COL16A1: variants seen among roughly 807,000 people sequenced by gnomAD.
COL16A1 encodes the protein collagen type XVI alpha 1 chain.
A neutral mutation model predicts 266.3 loss-of-function variants in COL16A1; 189 were observed. That is an observed-to-expected ratio of 0.71 (90% CI 0.63 to 0.80). The LOEUF is 0.80. Ranked by LOEUF, COL16A1 falls within the 30% of genes least tolerant of loss-of-function variation. COL16A1 has a pLI of 0.00. For synonymous variants in COL16A1, 740 were observed against 782.3 expected, an observed-to-expected ratio of 0.95 and a Z score of 0.90; for missense variants, 1,928 against 2,122.4, an observed-to-expected ratio of 0.91 and a Z score of 1.80.
chr1:31,664,989 T>C lies in COL16A1; in HGVS notation c.3555+183A>G, dbSNP rs914332677. Among the ~76,000 whole-genome samples, 2 of 152,170 alleles carry C rather than the reference T, an allele frequency of 1.3e-5. No individual in the cohort carries two copies. The highest frequency in any genetic ancestry group is 4.8e-5 in the African/African-American group (2 of 41,444). On this transcript the variant is annotated intron_variant, in intron 56 of 70. Transcript: ENST00000373672. The surrounding 1 kb of genome is among the most constrained non-coding windows in gnomAD (Gnocchi z 5.5). ...GCAGACATCCCGAGGAGCCCACTGG[T>C]CCACTGCAAGCCCTGTCGGCCTCCA...
At position 31,683,702 on chromosome 1, in the gene COL16A1, C is replaced by T. The variant is rs750540350; in HGVS notation, c.2379+5G>A. On this transcript the variant is annotated splice_donor_5th_base_variant and intron_variant, in intron 34 of 70. Coordinates refer to ENST00000373672, the MANE Select transcript of COL16A1 (RefSeq NM_001856.4). The stretch of plus-strand genomic sequence containing the variant: ...GGACAGGCAAAGGCAGGGCTAGAGA[C>T]TCACCTGGGGTCCCTGGACTCCCCT... 1.2e-6 allele frequency: 2 copies of T among 1,614,138 alleles called. No homozygotes were observed. Among genetic ancestry groups the T allele is most frequent in the Admixed American group, 1.7e-5 (1 of 60,018 alleles).
chr1:31,671,573 T>C lies in COL16A1; in HGVS notation c.3150+42A>G, dbSNP rs1642708120. The C allele has an allele frequency of 6.2e-6, 10 of 1,613,060 alleles. No individual in the cohort carries two copies. In the East Asian group the frequency reaches 1.1e-4, roughly 18 times the overall value. ...ATGGTGTCTGAGTGTAATGACCCCT[T>C]TGAGAGCTTCTCAAGCAGACCAGGG... On this transcript the variant is annotated intron_variant, in intron 48 of 70. Coordinates refer to ENST00000373672, the MANE Select transcript of COL16A1 (RefSeq NM_001856.4).
Position 31,685,548 on chromosome 1 carries a change from G to T in COL16A1, c.2016+91C>A. ...CCTCCCCACTACCCCCAACTGCCCAGGGAGTCAAGAGACCCAGGCAGGACC... is the reference window on the plus strand; with the variant it reads ...CCTCCCCACTACCCCCAACTGCCCATGGAGTCAAGAGACCCAGGCAGGACC... On this transcript the variant is annotated intron_variant, in intron 29 of 70. Coordinates refer to ENST00000373672, the MANE Select transcript of COL16A1 (RefSeq NM_001856.4). This position sits in a 1 kb window ranked among gnomAD's most constrained non-coding sequence, Gnocchi z 4.0. 8.2e-7 allele frequency: 1 copy of T among 1,213,744 alleles called. No homozygotes were observed. Among genetic ancestry groups the T allele is most frequent in the Non-Finnish European group, 1.1e-6 (1 of 882,038 alleles). The allele number at this position is 1,213,744 out of a possible 1,614,324, so 75.2% of individuals were successfully genotyped here.
rs749060377 is a variant in COL16A1, at chr1:31,675,019, C to A, written c.2847G>T (p.Gln949His). The A allele has an allele frequency of 1.3e-5, 21 of 1,613,010 alleles. No individual in the cohort carries two copies. Among genetic ancestry groups the A allele is most frequent in the Non-Finnish European group, 1.6e-5 (19 of 1,179,470 alleles). The change falls in exon 44 of 71, where the codon CAG (glutamine) becomes CAT (histidine). Residue 949 changes from glutamine (Q) to histidine (H), a missense_variant. By Grantham distance (24) the Gln-to-His change is conservative. Coordinates refer to ENST00000373672, the MANE Select transcript of COL16A1 (RefSeq NM_001856.4). ...TAELGSLPIE[Q>H]HLLKSICGDC... is the part of the protein sequence containing the mutation. ...GGTACCCTCTTACCTTAAGGAGGTG[C>A]TGTTCAATTGGTAAGGATCCCTGCA...
intron 44 of COL16A1, among the ~76,000 whole-genome samples, chr1:31,673,552 C>T (rs145000822): frequency 3.3e-4 from 51 of 152,388 alleles, no homozygotes; most frequent in African/African-American, 1.2e-3. Context: ...TCACTGCTCA[C>T]CACCAAGCCC....
Position 31,698,213 on chromosome 1 carries a change from C to A in COL16A1, c.391-41G>T, listed in dbSNP as rs1230934906. 6.2e-7 allele frequency: 1 copy of A among 1,607,582 alleles called. No individual in the cohort carries two copies. Among genetic ancestry groups the A allele is most frequent in the Admixed American group, 1.7e-5 (1 of 59,728 alleles). ...AAAGGGAAAGGACAGAGATTCAGAG[C>A]TCCAGAGTCACACCATGGGCACGTT... On this transcript the variant is annotated intron_variant, in intron 5 of 70. Coordinates refer to ENST00000373672, the MANE Select transcript of COL16A1 (RefSeq NM_001856.4). This position sits in a 1 kb window ranked among gnomAD's most constrained non-coding sequence, Gnocchi z 4.1.
At chr1:31,682,912 A>G in intron 37 of COL16A1, 22 bp downstream of exon 37, 1 of 1,613,770 alleles carries the variant, frequency 6.2e-7, no homozygotes, top group Non-Finnish European at 8.5e-7. Context: ...CACCACCAGC[A>G]TGGAGCACAG....
rs780084049 is a variant in COL16A1, at chr1:31,672,709, A to G, written c.2976+15T>C. ...AACCCTCCTGCATAGGGCAGCCCCA[A>G]GCCCAGTCCCTTACCTGGGCGCAGT... On this transcript the variant is annotated intron_variant, in intron 45 of 70. Coordinates refer to ENST00000373672, the MANE Select transcript of COL16A1 (RefSeq NM_001856.4). The G allele has an allele frequency of 3.7e-6, 6 of 1,613,198 alleles. No individual in the cohort carries two copies. The East Asian group carries it at 1.3e-4, about 36-fold the overall frequency.
intron 23 of COL16A1, 75 bp downstream of exon 23, chr1:31,689,666 T>G: frequency 8.2e-7 from 1 of 1,219,998 alleles, no homozygotes; most frequent in Non-Finnish European, 1.2e-6. Flanking sequence ...TCTGCCCAAT[T>G]CCTCTCTATG....
At chr1:31,691,289 T>C in intron 19 of COL16A1, 63 bp from the exon 20 acceptor site, 1 of 1,603,972 alleles carries the variant, frequency 6.2e-7, no homozygotes, top group Non-Finnish European at 8.5e-7. Flanking sequence ...CGAGATCTTC[T>C]ACCCTCACCC....
At position 31,681,010 on chromosome 1, in the gene COL16A1, G is replaced by A. The variant is rs116588786; in HGVS notation, c.2583+13C>T. The A allele has an allele frequency of 1.1e-3, 1,743 of 1,613,838 alleles. 17 individuals are homozygous for A. In the African/African-American group the frequency reaches 0.02, roughly 19 times the overall value. ...GGCCATGGCTTCCTGCTGCCCCAAGGCACTGTACTCACTGGTGTTCCTCTG... is the reference window on the plus strand; with the variant it reads ...GGCCATGGCTTCCTGCTGCCCCAAGACACTGTACTCACTGGTGTTCCTCTG... On this transcript the variant is annotated intron_variant, in intron 38 of 70. Coordinates refer to ENST00000373672, the MANE Select transcript of COL16A1 (RefSeq NM_001856.4).
intron 28 of COL16A1, 73 bp downstream of exon 28, chr1:31,686,018 G>C: frequency 6.3e-7 from 1 of 1,593,408 alleles, no homozygotes; most frequent in Non-Finnish European, 8.5e-7. Context: ...CAGAGGGTTC[G>C]AAGTCGAGCA....
chr1:31,663,306 A>C lies in COL16A1; in HGVS notation c.3556-648T>G, dbSNP rs1641853300. Reference sequence around the variant, plus strand: ...CTGGCTGGGGATCAGGGAAAGTGTCACAGAAGTGTCACCAGATGCTAGACT... The same window carrying C: ...CTGGCTGGGGATCAGGGAAAGTGTCCCAGAAGTGTCACCAGATGCTAGACT... On this transcript the variant is annotated intron_variant, in intron 56 of 70. Coordinates refer to ENST00000373672, the MANE Select transcript of COL16A1 (RefSeq NM_001856.4). This position sits in a 1 kb window ranked among gnomAD's most constrained non-coding sequence, Gnocchi z 4.9. 1 of 152,940 alleles carries C rather than the reference A, an allele frequency of 6.5e-6. No homozygotes were observed. The highest frequency in any genetic ancestry group is 2.4e-5 in the African/African-American group (1 of 41,462). The allele number at this position is 152,940 out of a possible 1,614,324, so 9.5% of individuals were successfully genotyped here.
intron 8 of COL16A1, among the ~76,000 whole-genome samples, 200 bp from the exon 9 acceptor site, chr1:31,696,341 T>TCCCC (rs1557694183): frequency 1.8e-5 from 2 of 108,906 alleles, no homozygotes; most frequent in African/African-American, 3.1e-5. Context: ...CACCCACCCA[T>TCCCC]GTGATGTCAG....
chr1:31,681,144 G>A (rs1175568391), intron 37 of COL16A1, 77 bp from the exon 38 acceptor site: 31 of 1,523,504 alleles, frequency 2.0e-5, no homozygotes, highest in Admixed American at 2.0e-4. Context: ...GAAAAGGGGT[G>A]TAGGACAAAC....
rs932867906 is a variant in COL16A1 at position 31,701,376 on chromosome 1, G to A, written c.73+745C>T. On this transcript the variant is annotated intron_variant, in intron 2 of 70. Transcript: ENST00000373672. ...TATGTGCACATACAAGGGGCAGGCG[G>A]CCACACTCACCCTGGGTCCACAATC... The A allele has an allele frequency of 7.1e-6, 7 of 985,294 alleles. No homozygotes were observed. The African/African-American group carries it at 1.2e-4, about 17-fold the overall frequency. 61.0% of individuals were successfully genotyped at this position (985,294 alleles called of 1,614,324 possible).
At position 31,698,571 on chromosome 1, in the gene COL16A1, G is replaced by A; in HGVS notation, c.302C>T (p.Ala101Val). Residue 101 changes from alanine (A) to valine (V), a missense_variant, in exon 5 of 71, where the codon GCC (alanine) becomes GTC (valine). This residue lies in a region of COL16A1 where 1,552 missense variants were observed against 1,637.2 expected (regional missense o/e 0.95). Transcript: ENST00000373672. The surrounding 1 kb of genome is among the most constrained non-coding windows in gnomAD (Gnocchi z 4.1). The part of the protein sequence containing the change: ...VFPRGLPEEF[A>V]LVLTLLLKKH... ...CTTCAGCAGTAGTGTCAGCACCAGG[G>A]CAAACTCCTCCGGGAGACCCCGAGG... 1.2e-6 allele frequency: 2 copies of A among 1,614,080 alleles called. No individual in the cohort carries two copies. The highest frequency in any genetic ancestry group is 1.7e-6 in the Non-Finnish European group (2 of 1,180,010).
At position 31,668,061 on chromosome 1, in the gene COL16A1, A is replaced by G; in HGVS notation, c.3303+104T>C. 1 of 979,274 alleles carries G rather than the reference A, an allele frequency of 1.0e-6. No homozygotes were observed. The highest frequency in any genetic ancestry group is 2.2e-5 in the Admixed American group (1 of 44,698). The allele number at this position is 979,274 out of a possible 1,614,324, so 60.7% of individuals were successfully genotyped here. A position where few individuals can be genotyped will look rare whatever the true frequency, so the allele number is the denominator to read the frequency against. On this transcript the variant is annotated intron_variant, in intron 51 of 70. Transcript: ENST00000373672. This position sits in a 1 kb window ranked among gnomAD's most constrained non-coding sequence, Gnocchi z 5.8. ...AAAGGAGGAGGCTGAAATGCCCGGT[A>G]ATGGGGAGCCCGCCGAGGGTTGCCC...
Position 31,670,208 on chromosome 1 carries a change from G to A in COL16A1, c.3195+394C>T, listed in dbSNP as rs1046070259. 4.3e-5 allele frequency: 9 copies of A among 209,438 alleles called. No homozygotes were observed. Among genetic ancestry groups the A allele is most frequent in the Non-Finnish European group, 7.5e-5 (8 of 105,970 alleles). 13.0% of individuals were successfully genotyped at this position (209,438 alleles called of 1,614,324 possible). The stretch of plus-strand genomic sequence containing the variant: ...CAAATCTTCAGGCAACGCCGAAGGT[G>A]GTGAGAAGCAGGAGGCAGAGCGAGA... On this transcript the variant is annotated intron_variant, in intron 49 of 70. Coordinates refer to ENST00000373672, the MANE Select transcript of COL16A1 (RefSeq NM_001856.4). The surrounding 1 kb of genome is among the most constrained non-coding windows in gnomAD (Gnocchi z 4.5).
Sources: allele counts gnomAD v4.1 joint callset (sites outside exome capture counted in the v4.1 genomes callset), GRCh38; gene constraint gnomAD v4.1.1; regional missense constraint gnomAD v4.1.1; non-coding constraint Gnocchi (gnomAD v3.1); transcripts MANE v1.5; gene names NCBI Gene and HGNC (gene_info 2026-07-23, HGNC 2026-07-21).